Variants in ASTN2 observed in about 807,000 individuals in gnomAD.
ASTN2 encodes astrotactin-2.
In ASTN2, 54 loss-of-function variants were observed where a neutral mutation model predicts 139.8. That is an observed-to-expected ratio of 0.39 (90% CI 0.31 to 0.48). The LOEUF (loss-of-function observed/expected upper bound fraction) is 0.48. ASTN2 is among the 20% of genes least tolerant of loss of function. ASTN2 has a pLI of 0.95. For missense variants in ASTN2, 1,565 were observed against 1,725.1 expected, an observed-to-expected ratio of 0.91 and a Z score of 1.64; for synonymous variants, 756 against 719.5, an observed-to-expected ratio of 1.05 and a Z score of -0.81.
At chr9:117,179,960 A>T (rs1250967928) in intron 3 of ASTN2, among the ~76,000 whole-genome samples, 2 of 152,224 alleles carry the variant, frequency 1.3e-5, no homozygotes, top group African/African-American at 2.4e-5. Flanking sequence ...CTCATTTGAT[A>T]GATGGGAAAA....
chr9:116,531,230 C>T (rs1355555379), intron 19 of ASTN2, among the ~76,000 whole-genome samples: 1 of 152,170 alleles, frequency 6.6e-6, no homozygotes, highest in Admixed American at 6.5e-5. Flanking sequence ...AGGCTATAAT[C>T]TCCAAAATGG....
chr9:116,926,375 T>G (rs2132444205), intron 10 of ASTN2, among the ~76,000 whole-genome samples: 1 of 152,360 alleles, frequency 6.6e-6, no homozygotes, highest in Middle Eastern at 3.4e-3. Flanking sequence ...CATAGATCTC[T>G]TTGGTGCTAT....
At chr9:116,496,486 T>C (rs1229620852) in intron 19 of ASTN2, among the ~76,000 whole-genome samples, 1 of 152,040 alleles carries the variant, frequency 6.6e-6, no homozygotes, top group African/African-American at 2.4e-5. Context: ...AAAAAGTCAA[T>C]ATAAAGGTAT....
At chr9:116,687,666 G>A (rs768347084) in intron 16 of ASTN2, among the ~76,000 whole-genome samples, 3 of 151,930 alleles carry the variant, frequency 2.0e-5, no homozygotes, top group Non-Finnish European at 4.4e-5. Flanking sequence ...GAGGTATGAG[G>A]TAATGTCGGG....
At position 116,816,525 on chromosome 9, in the gene ASTN2, A is replaced by T. The variant is rs140497087; in HGVS notation, c.2207+4092T>A. On this transcript the variant is annotated intron_variant, in intron 12 of 22. Transcript: ENST00000313400. ...AAAGACCAGGCACAGAGTAGTCACA[A>T]CAAATCTTAGGCGGATGAATTCTTT... Among the ~76,000 whole-genome samples, 546 of 152,284 alleles carry T rather than the reference A, an allele frequency of 3.6e-3. 17 individuals are homozygous for T. The highest frequency in any genetic ancestry group is 0.024 in the Admixed American group (373 of 15,304).
At chr9:117,395,093 G>A (rs1232173109) in intron 1 of ASTN2, among the ~76,000 whole-genome samples, 1 of 152,138 alleles carries the variant, frequency 6.6e-6, no homozygotes, top group Non-Finnish European at 1.5e-5. Flanking sequence ...GCATCTAAAA[G>A]TCTAACTATC....
intron 19 of ASTN2, among the ~76,000 whole-genome samples, chr9:116,571,404 C>A (rs10983238): frequency 6.6e-6 from 1 of 152,162 alleles, no homozygotes; most frequent in South Asian, 2.1e-4. Flanking sequence ...TTTCACAACC[C>A]TTTCTCTTTC....
At chr9:116,531,275 A>G (rs1481612136) in intron 19 of ASTN2, among the ~76,000 whole-genome samples, 1 of 152,198 alleles carries the variant, frequency 6.6e-6, no homozygotes, top group East Asian at 1.9e-4. Context: ...TCTTAAATGT[A>G]TGGCCATGGT....
At chr9:117,368,046 C>T (rs560377556) in intron 1 of ASTN2, among the ~76,000 whole-genome samples, 23 of 152,164 alleles carry the variant, frequency 1.5e-4, no homozygotes, top group African/African-American at 5.5e-4. Context: ...AGCCTGACCA[C>T]CAGAAAAGTG....
chr9:116,690,202 T>G (rs1860496760), intron 16 of ASTN2, among the ~76,000 whole-genome samples: 1 of 152,238 alleles, frequency 6.6e-6, no homozygotes, highest in East Asian at 1.9e-4. Context: ...TCAGCCTCAA[T>G]CTATTAAAAA....
chr9:116,565,387 C>CTCTCTCTCTCTA (rs1491583433), intron 19 of ASTN2, among the ~76,000 whole-genome samples: 1 of 42,098 alleles, frequency 2.4e-5, no homozygotes, highest in Non-Finnish European at 4.1e-5. Flanking sequence ...CTCTCTCTCT[C>CTCTCTCTCTCTA]CATATATATA....
intron 20 of ASTN2, among the ~76,000 whole-genome samples, chr9:116,478,970 C>T (rs562114828): frequency 1.2e-3 from 132 of 112,014 alleles, no homozygotes; most frequent in African/African-American, 3.8e-3. Flanking sequence ...CCAGTCTGGG[C>T]GACAGAAGGA....
intron 1 of ASTN2, among the ~76,000 whole-genome samples, chr9:117,331,260 G>A (rs1828698327): frequency 6.6e-6 from 1 of 152,098 alleles, no homozygotes; most frequent in Non-Finnish European, 1.5e-5. Flanking sequence ...GCTCCTTTCA[G>A]GCTTAGAGCC....
In ASTN2 at chr9:117,300,555, G is replaced by T. The variant is rs58272313; in HGVS notation, c.443-9042C>A. ...AAGATAGGAGGTACAGCTTGTTACA[G>T]GAACACACGTGAGAGGTCAGTTAAT... On this transcript the variant is annotated intron_variant, in intron 1 of 22. Coordinates refer to ENST00000313400, the MANE Select transcript of ASTN2 (RefSeq NM_001365068.1). 6.3e-3 allele frequency among the ~76,000 whole-genome samples: 966 copies of T among 152,270 alleles called. 16 individuals carry two copies. The highest frequency in any genetic ancestry group is 0.022 in the African/African-American group (924 of 41,548).
intron 6 of ASTN2, among the ~76,000 whole-genome samples, chr9:117,034,493 G>T (rs1474451210): frequency 6.6e-6 from 1 of 152,152 alleles, no homozygotes; most frequent in Non-Finnish European, 1.5e-5. Flanking sequence ...GGAAACCAAA[G>T]ACCCTTATTA....
At chr9:117,111,146 A>G (rs1479481305) in intron 4 of ASTN2, among the ~76,000 whole-genome samples, 2 of 152,262 alleles carry the variant, frequency 1.3e-5, no homozygotes, top group Non-Finnish European at 1.5e-5. Context: ...AAGAGTCTTC[A>G]TAAAATAAAT....
At chr9:116,707,256 C>T (rs1266880649) in intron 16 of ASTN2, among the ~76,000 whole-genome samples, 1 of 129,012 alleles carries the variant, frequency 7.8e-6, no homozygotes. Context: ...CTACTTCTGC[C>T]TATGCCCTAT....
At chr9:116,734,015 A>G (rs1828856476) in intron 13 of ASTN2, among the ~76,000 whole-genome samples, 1 of 152,250 alleles carries the variant, frequency 6.6e-6, no homozygotes, top group Middle Eastern at 3.4e-3. Flanking sequence ...AAAAAGAAAA[A>G]CAAACAAACA....
At chr9:116,948,934 T>C (rs777377183) in intron 10 of ASTN2, among the ~76,000 whole-genome samples, 8 of 150,928 alleles carry the variant, frequency 5.3e-5, no homozygotes, top group Non-Finnish European at 1.0e-4. Context: ...TGGGATTACA[T>C]GCACACGCCA....
Sources: gnomAD v4.1 joint callset for allele counts (sites outside exome capture counted in the v4.1 genomes callset) on GRCh38, gnomAD v4.1.1 for gene constraint, MANE v1.5 for transcripts, NCBI Gene and HGNC (gene_info 2026-07-23, HGNC 2026-07-21) for gene names.